Variants in MTREX observed in about 807,000 individuals in gnomAD.
MTREX encodes the protein Mtr4 exosome RNA helicase, also known as exosome RNA helicase MTR4.
In MTREX, 76 loss-of-function variants were observed where a neutral mutation model predicts 135.4. The ratio of observed to expected loss-of-function variants is 0.56; its 90% CI spans 0.47 to 0.68. The LOEUF is 0.68. Ranked by LOEUF, MTREX falls within the 30% of genes least tolerant of loss-of-function variation. The pLI is 0.00. For missense variants in MTREX, 920 were observed against 1,262.1 expected (o/e 0.73, Z 4.11); for synonymous variants, 404 against 401.6 (o/e 1.01, Z -0.07).
Position 55,425,043 on chromosome 5 carries a change from T to A in MTREX, c.*271T>A. On this transcript the variant is annotated 3_prime_UTR_variant, in exon 27 of 27. Coordinates refer to ENST00000230640, the MANE Select transcript of MTREX (RefSeq NM_015360.5). The stretch of plus-strand genomic sequence containing the variant: ...TTAGAGCTATTAGATAACCACTGAG[T>A]TAAAGGTAACTATGTACACACAAAG... 1.0e-6 allele frequency: 1 copy of A among 989,924 alleles called. No homozygotes were observed. The highest frequency in any genetic ancestry group is 1.5e-6 in the Non-Finnish European group (1 of 674,032). The allele number at this position is 989,924 out of a possible 1,614,324, so 61.3% of individuals were successfully genotyped here. A position where few individuals can be genotyped will look rare whatever the true frequency, so the allele number is the denominator to read the frequency against.
intron 25 of MTREX, 61 bp downstream of exon 25, chr5:55,416,193 G>A (rs1750963257): frequency 9.3e-7 from 1 of 1,079,164 alleles, no homozygotes; most frequent in South Asian, 1.6e-5. Flanking sequence ...GGATGGTATT[G>A]TTTTAATTAA....
At chr5:55,372,986 T>C (rs1579877067) in intron 16 of MTREX, among the ~76,000 whole-genome samples, 1 of 151,756 alleles carries the variant, frequency 6.6e-6, no homozygotes, top group Non-Finnish European at 1.5e-5. Flanking sequence ...CCCTTTGTTA[T>C]ATATAGTCTT....
intron 22 of MTREX, 22 bp downstream of exon 22, chr5:55,405,610 A>G (rs1554034873): frequency 1.9e-6 from 3 of 1,550,274 alleles, no homozygotes; most frequent in Non-Finnish European, 1.7e-6. Flanking sequence ...TTATTGTTCT[A>G]GAAAGTTCAT....
chr5:55,329,087 A>G (rs1351661303), intron 5 of MTREX, among the ~76,000 whole-genome samples: 3 of 152,150 alleles, frequency 2.0e-5, no homozygotes, highest in Non-Finnish European at 4.4e-5. Context: ...TTTATTTATC[A>G]GTTTGAGGAA....
chr5:55,363,824 C>G (rs1030540658), intron 15 of MTREX, among the ~76,000 whole-genome samples: 4 of 152,160 alleles, frequency 2.6e-5, no homozygotes, highest in Non-Finnish European at 2.9e-5. Context: ...AGACAGAAAA[C>G]TGTTATGAAT....
intron 11 of MTREX, among the ~76,000 whole-genome samples, chr5:55,347,680 C>T (rs1452544886): frequency 6.6e-6 from 1 of 152,204 alleles, no homozygotes; most frequent in Admixed American, 6.5e-5. Context: ...GTAGCACAAC[C>T]TGGCTGTCTT....
chr5:55,423,897 A>G (rs1751099721), intron 26 of MTREX: 1 of 152,216 alleles, frequency 6.6e-6, no homozygotes. Flanking sequence ...ACTGGCTGAT[A>G]TTTCCACAGT....
intron 12 of MTREX, 63 bp from the exon 13 acceptor site, chr5:55,350,856 T>C: frequency 7.7e-7 from 1 of 1,298,764 alleles, no homozygotes; most frequent in Non-Finnish European, 1.1e-6. Flanking sequence ...CTTAATTTAG[T>C]TTAACATTTT....
chr5:55,309,922 G>GT (rs1749082679), intron 1 of MTREX, among the ~76,000 whole-genome samples: 1 of 152,214 alleles, frequency 6.6e-6, no homozygotes, highest in Admixed American at 6.5e-5. Flanking sequence ...CTCGCATTAA[G>GT]TTGGATTGGG....
intron 15 of MTREX, among the ~76,000 whole-genome samples, chr5:55,365,628 C>T (rs532555190): frequency 3.3e-5 from 5 of 152,118 alleles, no homozygotes; most frequent in Non-Finnish European, 4.4e-5. Flanking sequence ...ATGTATCGTC[C>T]GAGAATTTGG....
intron 1 of MTREX, among the ~76,000 whole-genome samples, chr5:55,318,678 T>C (rs2112026689): frequency 6.6e-6 from 1 of 152,210 alleles, no homozygotes; most frequent in South Asian, 2.1e-4. Flanking sequence ...GGCCTTAATA[T>C]CTAGATGATG....
chr5:55,401,338 C>T (rs576349992), intron 21 of MTREX, among the ~76,000 whole-genome samples: 112 of 152,292 alleles, frequency 7.4e-4, no homozygotes, highest in Non-Finnish European at 1.3e-3. Context: ...CCTGGCCTGG[C>T]TAAATTATAT....
At chr5:55,418,358 GTTCT>G (rs768003575) in intron 25 of MTREX, among the ~76,000 whole-genome samples, 26 of 145,990 alleles carry the variant, frequency 1.8e-4, no homozygotes, top group South Asian at 4.5e-4. Context: ...TATTTTTTCT[GTTCT>G]TTCTACCTAA....
At chr5:55,380,676 A>G (rs1304677306) in intron 18 of MTREX, among the ~76,000 whole-genome samples, 1 of 152,034 alleles carries the variant, frequency 6.6e-6, no homozygotes, top group Non-Finnish European at 1.5e-5. Flanking sequence ...TTCAGTTGGT[A>G]GTATGTTTTT....
intron 18 of MTREX, among the ~76,000 whole-genome samples, chr5:55,382,577 A>T (rs574541442): frequency 6.6e-6 from 1 of 151,710 alleles, no homozygotes; most frequent in Non-Finnish European, 1.5e-5. Flanking sequence ...TGTACTTTTT[A>T]TTGCTTTTTG....
rs1309714959 is a variant in MTREX at position 55,424,760 on chromosome 5, C to T, written c.3117C>T (p.Ser1039=). The T allele has an allele frequency of 3.1e-6, 5 of 1,610,716 alleles. No homozygotes were observed. Residue 1039 remains serine (S), a synonymous_variant, in exon 27 of 27, where the codon AGC becomes AGT. Coordinates refer to ENST00000230640, the MANE Select transcript of MTREX (RefSeq NM_015360.5). The part of the protein sequence containing the change: ...KIKRDIVFAA[S]LYL ...AGAGAGATATTGTGTTTGCTGCCAG[C>T]CTCTACTTGTAGAGTCAGCTAAAGG...
chr5:55,396,435 A>G (rs1454561567), intron 19 of MTREX, among the ~76,000 whole-genome samples: 1 of 152,200 alleles, frequency 6.6e-6, no homozygotes, highest in Admixed American at 6.5e-5. Context: ...TTGCTGGTCA[A>G]GTGAAGTGAT....
At chr5:55,413,575 T>C (rs1284056683) in intron 23 of MTREX, among the ~76,000 whole-genome samples, 1 of 152,210 alleles carries the variant, frequency 6.6e-6, no homozygotes, top group Non-Finnish European at 1.5e-5. Context: ...TTAATTTGGC[T>C]ACTTAGTGTA....
intron 8 of MTREX, 59 bp downstream of exon 8, chr5:55,343,514 C>G: frequency 2.8e-6 from 4 of 1,446,778 alleles, no homozygotes; most frequent in Non-Finnish European, 3.8e-6. Flanking sequence ...ATTAGTCTTG[C>G]TTTACTCTCC....
Sources: gnomAD v4.1 joint callset for allele counts (sites outside exome capture counted in the v4.1 genomes callset) on GRCh38, gnomAD v4.1.1 for gene constraint, MANE v1.5 for transcripts, NCBI Gene and HGNC (gene_info 2026-07-23, HGNC 2026-07-21) for gene names.